Variants in MKLN1 observed in about 807,000 individuals in gnomAD.
The protein encoded by MKLN1 is muskelin.
MKLN1 carries 18 observed loss-of-function variants against 99.0 expected under a neutral mutation model. That is an observed-to-expected ratio of 0.18 (90% CI 0.13 to 0.27). The LOEUF (loss-of-function observed/expected upper bound fraction) is 0.27. Ranked by LOEUF, MKLN1 falls within the 10% of genes least tolerant of loss-of-function variation. The pLI is 1.00. For missense variants in MKLN1, 621 were observed against 875.9 expected, an observed-to-expected ratio of 0.71 and a Z score of 3.67; for synonymous variants, 288 against 293.2, an observed-to-expected ratio of 0.98 and a Z score of 0.18.
chr7:131,269,507 T>A (rs1797854465), intron 3 of MKLN1, among the ~76,000 whole-genome samples: 1 of 152,238 alleles, frequency 6.6e-6, no homozygotes. Flanking sequence ...ACTGCATAAT[T>A]TCATCACCTT....
intron 4 of MKLN1, among the ~76,000 whole-genome samples, chr7:131,395,122 G>A (rs1316546126): frequency 6.6e-6 from 1 of 152,006 alleles, no homozygotes; most frequent in African/African-American, 2.4e-5. Context: ...TCTCTTGAAA[G>A]CTTGGTTTTT....
At chr7:131,188,800 G>A (rs778293190) in intron 2 of MKLN1, among the ~76,000 whole-genome samples, 8 of 152,072 alleles carry the variant, frequency 5.3e-5, no homozygotes, top group South Asian at 2.1e-4. Context: ...CTAAAACAGC[G>A]TGTATTCCAA....
chr7:131,298,049 T>C (rs1798319867), intron 3 of MKLN1, among the ~76,000 whole-genome samples: 1 of 152,200 alleles, frequency 6.6e-6, no homozygotes, highest in South Asian at 2.1e-4. Context: ...TTTGGGAGGC[T>C]GAGGCGGATG....
chr7:131,397,625 A>C (rs1794398275), intron 5 of MKLN1, among the ~76,000 whole-genome samples: 2 of 152,180 alleles, frequency 1.3e-5, no homozygotes, highest in African/African-American at 2.4e-5. Context: ...AAGAACAGAG[A>C]GATTAAATAG....
intron 1 of MKLN1, among the ~76,000 whole-genome samples, chr7:131,335,686 G>T (rs1799229512): frequency 7.7e-6 from 1 of 130,196 alleles, no homozygotes; most frequent in African/African-American, 2.9e-5. Context: ...CTTATTCTTT[G>T]ACCTGTAGGT....
intron 2 of MKLN1, among the ~76,000 whole-genome samples, chr7:131,192,835 C>A (rs191983342): frequency 5.3e-5 from 8 of 152,062 alleles, no homozygotes; most frequent in Middle Eastern, 3.4e-3. Context: ...CCACTGTGCC[C>A]GGCCTGCTGT....
In MKLN1 at chr7:131,488,013, G is replaced by C. The variant is rs1348054070; in HGVS notation, c.*285G>C. 1 of 158,136 alleles carries C rather than the reference G, an allele frequency of 6.3e-6. No homozygotes were observed. Among genetic ancestry groups the C allele is most frequent in the African/African-American group, 2.4e-5 (1 of 41,400 alleles). The allele number at this position is 158,136 out of a possible 1,614,324, so 9.8% of individuals were successfully genotyped here. On this transcript the variant is annotated 3_prime_UTR_variant, in exon 18 of 18. Transcript: ENST00000352689. ...CTTACTTTATCTTTTAAGAATTAAT[G>C]AGTATAAAAGAAAAATTAGGCAGTT...
chr7:131,345,489 G>A (rs1387732420), intron 1 of MKLN1, among the ~76,000 whole-genome samples: 1 of 152,164 alleles, frequency 6.6e-6, no homozygotes. Context: ...ATGTGAGCAA[G>A]GGAGGATCAT....
chr7:131,190,550 T>A (rs1796520017), intron 2 of MKLN1, among the ~76,000 whole-genome samples: 1 of 152,172 alleles, frequency 6.6e-6, no homozygotes, highest in Non-Finnish European at 1.5e-5. Context: ...ACTATGCAGG[T>A]TTATAGAGAC....
chr7:131,331,410 A>G (rs964979158), intron 1 of MKLN1, among the ~76,000 whole-genome samples: 1 of 152,234 alleles, frequency 6.6e-6, no homozygotes, highest in Non-Finnish European at 1.5e-5. Flanking sequence ...ACCCTATGAG[A>G]TAAATATTAT....
At chr7:131,426,798 A>G (rs1305376939) in intron 8 of MKLN1, among the ~76,000 whole-genome samples, 2 of 151,856 alleles carry the variant, frequency 1.3e-5, no homozygotes, top group African/African-American at 4.8e-5. Context: ...TGTGTTGCCC[A>G]GGCTGGAGTG....
intron 3 of MKLN1, among the ~76,000 whole-genome samples, chr7:131,266,643 C>T (rs1584878276): frequency 6.6e-6 from 1 of 152,166 alleles, no homozygotes; most frequent in South Asian, 2.1e-4. Flanking sequence ...AGGGGATGTA[C>T]AAGGAAGTCC....
At chr7:131,179,052 C>T (rs1196457036) in intron 2 of MKLN1, among the ~76,000 whole-genome samples, 1 of 152,142 alleles carries the variant, frequency 6.6e-6, no homozygotes, top group South Asian at 2.1e-4. Flanking sequence ...TTCTGAAGCA[C>T]TTGCTTCTCT....
At chr7:131,481,813 C>T (rs11768820) in intron 17 of MKLN1, among the ~76,000 whole-genome samples, 1 of 109,216 alleles carries the variant, frequency 9.2e-6, no homozygotes, top group Non-Finnish European at 1.9e-5. Flanking sequence ...CTAAGGTCTG[C>T]AAAAAAAAAA....
intron 2 of MKLN1, among the ~76,000 whole-genome samples, chr7:131,386,039 A>C (rs1477604574): frequency 4.3e-5 from 6 of 139,160 alleles, no homozygotes; most frequent in Non-Finnish European, 7.6e-5. Context: ...TTTGAGCTAG[A>C]GTCTTACTCT....
chr7:131,182,349 T>G (rs957156293), intron 2 of MKLN1, among the ~76,000 whole-genome samples: 3 of 152,218 alleles, frequency 2.0e-5, no homozygotes, highest in Non-Finnish European at 4.4e-5. Flanking sequence ...AAGACAATGC[T>G]TACCACAGCC....
intron 1 of MKLN1, among the ~76,000 whole-genome samples, chr7:131,343,249 C>G (rs1799458327): frequency 1.3e-5 from 2 of 152,146 alleles, no homozygotes. Context: ...AGGAGATTGA[C>G]TAGTGTAGCA....
chr7:131,148,768 A>G (rs1795849514), intron 2 of MKLN1, among the ~76,000 whole-genome samples: 1 of 152,188 alleles, frequency 6.6e-6, no homozygotes, highest in Admixed American at 6.5e-5. Flanking sequence ...GGTGAGACCC[A>G]GTCTCCAAAG....
At chr7:131,368,943 GTACT>G (rs1800261816) in intron 1 of MKLN1, among the ~76,000 whole-genome samples, 1 of 151,690 alleles carries the variant, frequency 6.6e-6, no homozygotes, top group Admixed American at 6.6e-5. Flanking sequence ...GCTACCATTT[GTACT>G]TACTTTATAT....
Sources: allele counts gnomAD v4.1 joint callset (sites outside exome capture counted in the v4.1 genomes callset), GRCh38; gene constraint gnomAD v4.1.1; transcripts MANE v1.5; gene names NCBI Gene and HGNC (gene_info 2026-07-23, HGNC 2026-07-21).